The following CLOCK variants were observed in gnomAD, a reference collection of about 807,000 sequenced individuals.
CLOCK encodes the protein circadian locomoter output cycles protein kaput.
A neutral mutation model predicts 118.4 loss-of-function variants in CLOCK; 43 were observed. That is an observed-to-expected ratio of 0.36 (90% CI 0.28 to 0.47). The LOEUF is 0.47. Ranked by LOEUF, CLOCK falls within the 20% of genes least tolerant of loss-of-function variation. CLOCK has a pLI of 1.00. For synonymous variants in CLOCK, 326 were observed against 339.2 expected (o/e 0.96, Z 0.43); for missense variants, 846 against 999.9 (o/e 0.85, Z 2.08).
chr4:55,518,089 T>C (rs1729631750), intron 1 of CLOCK, among the ~76,000 whole-genome samples: 2 of 152,106 alleles, frequency 1.3e-5, no homozygotes, highest in South Asian at 4.1e-4. Context: ...TTTCTTACTA[T>C]GAGTTGTGGT....
chr4:55,533,322 C>A lies in CLOCK; in HGVS notation c.-290+13460G>T, dbSNP rs913350038. Among the ~76,000 whole-genome samples, 128 of 152,180 alleles carry A rather than the reference C, an allele frequency of 8.4e-4. 1 individual carries two copies. The highest frequency in any genetic ancestry group is 3.4e-3 in the Middle Eastern group (1 of 294). On this transcript the variant is annotated intron_variant, in intron 1 of 22. Coordinates refer to ENST00000513440, the MANE Select transcript of CLOCK (RefSeq NM_004898.4). ...GAACAGAAATAAACGCTCGCACATG[C>A]CACCAAATGACTTGCGACAAGGGTG...
intron 1 of CLOCK, among the ~76,000 whole-genome samples, chr4:55,536,052 G>A (rs564788087): frequency 6.6e-5 from 10 of 152,178 alleles, no homozygotes; most frequent in South Asian, 2.1e-4. Flanking sequence ...AAAGTTTCAC[G>A]CAAGGACCTC....
chr4:55,436,893 T>TGCCAGCCACCA (rs1722919976), intron 22 of CLOCK, among the ~76,000 whole-genome samples: 1 of 19,034 alleles, frequency 5.3e-5, no homozygotes, highest in Non-Finnish European at 1.0e-4. Flanking sequence ...TTGGGATGCC[T>TGCCAGCCACCA]TTTTTTTTTT....
At chr4:55,483,619 G>A (rs1727085456) in intron 3 of CLOCK, among the ~76,000 whole-genome samples, 1 of 152,192 alleles carries the variant, frequency 6.6e-6, no homozygotes, top group African/African-American at 2.4e-5. Flanking sequence ...AGAATTTTAA[G>A]CGACAGGAAT....
chr4:55,478,116 G>C (rs933233138), intron 6 of CLOCK, among the ~76,000 whole-genome samples: 14 of 147,744 alleles, frequency 9.5e-5, no homozygotes, highest in African/African-American at 2.9e-4. Context: ...ATTTGCATTT[G>C]AAAAAGGAAA....
At chr4:55,438,237 T>C in intron 22 of CLOCK, 45 bp downstream of exon 22, 1 of 1,607,038 alleles carries the variant, frequency 6.2e-7, no homozygotes, top group Non-Finnish European at 8.5e-7. Context: ...TTTCATTACA[T>C]GAAAGTAAAT....
At chr4:55,436,988 CT>C (rs1432911227) in intron 22 of CLOCK, among the ~76,000 whole-genome samples, 2 of 146,668 alleles carry the variant, frequency 1.4e-5, no homozygotes, top group Non-Finnish European at 1.5e-5. Context: ...AGGTCCTCTC[CT>C]TTTTTTAGCT....
intron 2 of CLOCK, among the ~76,000 whole-genome samples, chr4:55,505,932 A>G (rs1728768677): frequency 6.6e-6 from 1 of 151,826 alleles, no homozygotes; most frequent in Non-Finnish European, 1.5e-5. Context: ...TGCACATATC[A>G]TACCTTTTTA....
chr4:55,534,177 G>C (rs1730734292), intron 1 of CLOCK, among the ~76,000 whole-genome samples: 2 of 151,992 alleles, frequency 1.3e-5, no homozygotes, highest in Admixed American at 1.3e-4. Context: ...GAGTCAAGTG[G>C]AGCATCAGTG....
chr4:55,541,180 G>A (rs7698022), intron 1 of CLOCK, among the ~76,000 whole-genome samples: 2 of 152,032 alleles, frequency 1.3e-5, no homozygotes, highest in Admixed American at 6.6e-5. Flanking sequence ...CAGGAATCTC[G>A]GTATCCACCT....
intron 1 of CLOCK, among the ~76,000 whole-genome samples, chr4:55,510,343 T>G (rs1007912223): frequency 6.6e-6 from 1 of 152,120 alleles, no homozygotes; most frequent in African/African-American, 2.4e-5. Flanking sequence ...AAAGTTCTCC[T>G]GGGACGGGTG....
intron 15 of CLOCK, 66 bp downstream of exon 15, chr4:55,452,988 T>C (rs1724602023): frequency 6.3e-6 from 7 of 1,105,950 alleles, no homozygotes; most frequent in Non-Finnish European, 9.3e-6. Context: ...TTCCTATTAA[T>C]TATTGAGTTT....
At chr4:55,510,111 T>C (rs1451790359) in intron 1 of CLOCK, 46 bp from the exon 2 acceptor site, 1 of 152,212 alleles carries the variant, frequency 6.6e-6, no homozygotes, top group Non-Finnish European at 1.5e-5. Context: ...CCAATTTAAG[T>C]AACATTATTA....
chr4:55,433,167 C>G lies in CLOCK; in HGVS notation c.*2248G>C, dbSNP rs148000690. On this transcript the variant is annotated 3_prime_UTR_variant, in exon 23 of 23. Transcript: ENST00000513440. ...AGAAGAACAATGCTATTGCCATATT[C>G]CACAACATCCCCCTTGTCTGTGTAC... The G allele has an allele frequency of 4.6e-5, 7 of 152,634 alleles. No individual in the cohort carries two copies. The highest frequency in any genetic ancestry group is 7.2e-5 in the African/African-American group (3 of 41,448). 9.5% of individuals were successfully genotyped at this position (152,634 alleles called of 1,614,324 possible). A position where few individuals can be genotyped will look rare whatever the true frequency, so the allele number is the denominator to read the frequency against.
At chr4:55,501,506 C>T (rs1303555083) in intron 2 of CLOCK, 1 of 146,330 alleles carries the variant, frequency 6.8e-6, no homozygotes, top group Non-Finnish European at 1.6e-5. Context: ...CAACCTCAAA[C>T]TCCTAGGCTC....
At chr4:55,465,211 A>G (rs1398623561) in intron 8 of CLOCK, among the ~76,000 whole-genome samples, 6 of 152,094 alleles carry the variant, frequency 3.9e-5, no homozygotes, top group Non-Finnish European at 7.4e-5. Flanking sequence ...AGTATAACAC[A>G]TATTTACATT....
In CLOCK at chr4:55,427,923, T is replaced by C. The variant is rs1428679495; in HGVS notation, c.*7492A>G. ...TGTCATTGATAGTGATCTTAAAATA[T>C]TTAATAGTCTTTCTTTAAAATCCAA... On this transcript the variant is annotated 3_prime_UTR_variant, in exon 23 of 23. Transcript: ENST00000513440. 6.6e-6 allele frequency: 1 copy of C among 152,212 alleles called. No individual in the cohort carries two copies. Among genetic ancestry groups the C allele is most frequent in the Non-Finnish European group, 1.5e-5 (1 of 68,028 alleles). The allele number at this position is 152,212 out of a possible 1,614,324, so 9.4% of individuals were successfully genotyped here. A position where few individuals can be genotyped will look rare whatever the true frequency, so the allele number is the denominator to read the frequency against.
chr4:55,436,892 CTTTT>C (rs35888413), intron 22 of CLOCK, among the ~76,000 whole-genome samples: 6 of 98,356 alleles, frequency 6.1e-5, no homozygotes, highest in African/African-American at 1.5e-4. Flanking sequence ...TTTGGGATGC[CTTTT>C]TTTTTTTTTT....
At chr4:55,459,563 A>C (rs1369273195) in intron 9 of CLOCK, among the ~76,000 whole-genome samples, 2 of 152,206 alleles carry the variant, frequency 1.3e-5, no homozygotes, top group Non-Finnish European at 1.5e-5. Flanking sequence ...TTCTAAAGCT[A>C]ATCCTTCCAT....
Sources: gnomAD v4.1 joint callset for allele counts (sites outside exome capture counted in the v4.1 genomes callset) on GRCh38, gnomAD v4.1.1 for gene constraint, MANE v1.5 for transcripts, NCBI Gene and HGNC (gene_info 2026-07-23, HGNC 2026-07-21) for gene names.